The following CDIN1 variants were observed in gnomAD, a reference collection of about 807,000 sequenced individuals.
CDIN1 encodes CDAN1 interacting nuclease 1.
A neutral mutation model predicts 45.3 loss-of-function variants in CDIN1; 33 were observed. The observed-to-expected ratio is 0.73, with a 90% CI of 0.55 to 0.97. The LOEUF (loss-of-function observed/expected upper bound fraction) is 0.97, where lower values mean the gene tolerates loss of function less well. Ranked by LOEUF, CDIN1 falls within the 50% of genes least tolerant of loss-of-function variation. The pLI is 0.00. For synonymous variants in CDIN1, 118 were observed against 124.4 expected, an observed-to-expected ratio of 0.95 and a Z score of 0.34; for missense variants, 303 against 339.4, an observed-to-expected ratio of 0.89 and a Z score of 0.84.
At chr15:36,765,826 G>A (rs1051314449) in intron 10 of CDIN1, among the ~76,000 whole-genome samples, 2 of 152,276 alleles carry the variant, frequency 1.3e-5, no homozygotes, top group Non-Finnish European at 1.5e-5. Context: ...TAATCATGGT[G>A]ATAGACATAC....
chr15:36,788,271 C>T (rs1349536712), intron 10 of CDIN1, among the ~76,000 whole-genome samples: 1 of 151,498 alleles, frequency 6.6e-6, no homozygotes, highest in African/African-American at 2.4e-5. Flanking sequence ...CATGCGCCAC[C>T]ACACCTGGCC....
chr15:36,701,272 C>G (rs2042635380), intron 8 of CDIN1, among the ~76,000 whole-genome samples: 1 of 152,118 alleles, frequency 6.6e-6, no homozygotes, highest in Admixed American at 6.6e-5. Flanking sequence ...GAACCATAAG[C>G]ATTGTGATCA....
chr15:36,673,672 T>G (rs986184809), intron 5 of CDIN1, among the ~76,000 whole-genome samples: 1 of 152,112 alleles, frequency 6.6e-6, no homozygotes, highest in African/African-American at 2.4e-5. Context: ...CTACTTTGCT[T>G]TGAATGGCCC....
rs368453292 is a variant in CDIN1, at chr15:36,609,228, C to T, written c.101+29267C>T. On this transcript the variant is annotated intron_variant, in intron 1 of 10. Transcript: ENST00000566621. ...TGGGGGTCTCCCTTTGTTATCCAGG[C>T]TGGTCATAAACTCCTGTTCTCAAGG... Among the ~76,000 whole-genome samples the T allele has an allele frequency of 1.1e-4, 17 of 152,234 alleles. No homozygotes were observed. The East Asian group carries it at 1.9e-3, about 17-fold the overall frequency.
At chr15:36,676,523 C>T (rs547783343) in intron 5 of CDIN1, among the ~76,000 whole-genome samples, 2 of 152,316 alleles carry the variant, frequency 1.3e-5, no homozygotes. Flanking sequence ...TTGCCCTTGT[C>T]TCATTGAATA....
At chr15:36,608,800 G>A (rs907452856) in intron 1 of CDIN1, among the ~76,000 whole-genome samples, 3 of 151,852 alleles carry the variant, frequency 2.0e-5, no homozygotes, top group African/African-American at 7.3e-5. Flanking sequence ...TCTTTAAACA[G>A]TATGTTAAAT....
At chr15:36,638,148 A>G (rs754116505) in intron 1 of CDIN1, among the ~76,000 whole-genome samples, 14 of 152,228 alleles carry the variant, frequency 9.2e-5, no homozygotes, top group Non-Finnish European at 1.3e-4. Context: ...GATAAATGTT[A>G]GTATCTTATA....
Position 36,684,994 on chromosome 15 carries a change from C to T in CDIN1, c.347-6691C>T, listed in dbSNP as rs1300162797. On this transcript the variant is annotated intron_variant, in intron 5 of 10. Transcript: ENST00000566621. ...TTTTTTTCTTTATTAGTCTTGCTAGCGGTCTATCTATTTTGTGGATCTTTT... is the reference window on the plus strand; with the variant it reads ...TTTTTTTCTTTATTAGTCTTGCTAGTGGTCTATCTATTTTGTGGATCTTTT... Among the ~76,000 whole-genome samples, 7 of 151,984 alleles carry T rather than the reference C, an allele frequency of 4.6e-5. No homozygotes were observed. The South Asian group carries it at 6.2e-4, about 14-fold the overall frequency.
rs374470401 is a variant in CDIN1 at position 36,583,170 on chromosome 15, TA to T, written c.101+3210del. Among the ~76,000 whole-genome samples the T allele has an allele frequency of 5.6e-4, 86 of 152,306 alleles. No individual in the cohort carries two copies. The East Asian group carries it at 0.016, about 28-fold the overall frequency. On this transcript the variant is annotated intron_variant, in intron 1 of 10. Coordinates refer to ENST00000566621, the MANE Select transcript of CDIN1 (RefSeq NM_001321759.2). ...TTTTTTTTTCTGACATTTTTGCCTT[TA>T]TACTTAGGAAGTTCTTTTCTGTCCT...
chr15:36,751,370 A>C (rs2053466339), intron 10 of CDIN1, among the ~76,000 whole-genome samples: 1 of 150,964 alleles, frequency 6.6e-6, no homozygotes, highest in Admixed American at 6.6e-5. Flanking sequence ...TTCTAAAAGC[A>C]CCCAGTGTTG....
chr15:36,784,077 G>A (rs1195030119), intron 10 of CDIN1, among the ~76,000 whole-genome samples: 1 of 152,118 alleles, frequency 6.6e-6, no homozygotes, highest in Non-Finnish European at 1.5e-5. Flanking sequence ...TTAATACAAA[G>A]TTGACTTCAC....
In CDIN1 at chr15:36,802,442, G is replaced by A. The variant is rs573834869; in HGVS notation, c.717-5882G>A. 8.5e-5 allele frequency among the ~76,000 whole-genome samples: 13 copies of A among 152,222 alleles called. No individual in the cohort carries two copies. The South Asian group carries it at 2.7e-3, about 32-fold the overall frequency. On this transcript the variant is annotated intron_variant, in intron 10 of 10. Transcript: ENST00000566621. The stretch of plus-strand genomic sequence containing the variant: ...TTCAGGAAACCAACGAGGGGTTATT[G>A]GGGTTAATTTAGCAAGATGATATCT...
chr15:36,736,889 G>A (rs547033996), intron 10 of CDIN1, among the ~76,000 whole-genome samples: 21 of 151,740 alleles, frequency 1.4e-4, no homozygotes, highest in African/African-American at 4.8e-4. Context: ...CACACTGGCC[G>A]GGCACAGTGG....
intron 5 of CDIN1, among the ~76,000 whole-genome samples, chr15:36,673,655 G>A (rs1595453252): frequency 6.6e-6 from 1 of 152,022 alleles, no homozygotes; most frequent in South Asian, 2.1e-4. Flanking sequence ...CGTATAAATT[G>A]TCAAAACTAC....
At chr15:36,614,904 C>T (rs1373049136) in intron 1 of CDIN1, among the ~76,000 whole-genome samples, 2 of 152,226 alleles carry the variant, frequency 1.3e-5, no homozygotes, top group African/African-American at 4.8e-5. Flanking sequence ...TGTCCCATCT[C>T]TACCCCCTCC....
At chr15:36,690,690 T>C (rs1313344300) in intron 5 of CDIN1, among the ~76,000 whole-genome samples, 2 of 152,220 alleles carry the variant, frequency 1.3e-5, no homozygotes, top group African/African-American at 4.8e-5. Context: ...AATTAGATAA[T>C]TATTCAGTAT....
At chr15:36,753,105 A>T (rs903979060) in intron 10 of CDIN1, among the ~76,000 whole-genome samples, 4 of 152,198 alleles carry the variant, frequency 2.6e-5, no homozygotes, top group African/African-American at 7.2e-5. Context: ...GCATGATTCA[A>T]TGTGATCACC....
chr15:36,681,838 A>G (rs1412909273), intron 5 of CDIN1, among the ~76,000 whole-genome samples: 1 of 152,174 alleles, frequency 6.6e-6, no homozygotes, highest in Non-Finnish European at 1.5e-5. Flanking sequence ...TTTTTACATA[A>G]GGCAAGACTA....
intron 1 of CDIN1, among the ~76,000 whole-genome samples, chr15:36,582,987 G>T (rs2037117834): frequency 6.6e-6 from 1 of 151,908 alleles, no homozygotes. Context: ...TTTTCTGTTG[G>T]CATGTCTGTT....
Sources: allele counts gnomAD v4.1 joint callset (sites outside exome capture counted in the v4.1 genomes callset), GRCh38; gene constraint gnomAD v4.1.1; transcripts MANE v1.5; gene names NCBI Gene and HGNC (gene_info 2026-07-23, HGNC 2026-07-21).